TNFSF4: variants seen among roughly 807,000 people sequenced by gnomAD.
The protein encoded by TNFSF4 is tumor necrosis factor ligand superfamily member 4.
A neutral mutation model predicts 7.3 loss-of-function variants in TNFSF4; 4 were observed. The ratio of observed to expected loss-of-function variants is 0.55; its 90% confidence interval spans 0.27 to 1.25. TNFSF4 has a LOEUF of 1.25. Among genes scored for constraint, TNFSF4 ranks in the 50% most tolerant of loss-of-function variants. The pLI, the probability that TNFSF4 is intolerant of heterozygous loss-of-function variation, is 0.12. For synonymous variants in TNFSF4, 76 were observed against 83.7 expected, an observed-to-expected ratio of 0.91 and a Z score of 0.50; for missense variants, 181 against 208.8, an observed-to-expected ratio of 0.87 and a Z score of 0.82.
At chr1:173,325,671 T>C in the TNFSF4 span, among the ~76,000 whole-genome samples, 2 of 151,862 alleles carry the variant, frequency 1.3e-5, no homozygotes, top group East Asian at 3.9e-4. Flanking sequence ...CAATAAAAAA[T>C]GACAAAGGGG....
chr1:173,338,332 G>C, the TNFSF4 span, among the ~76,000 whole-genome samples: 1 of 152,178 alleles, frequency 6.6e-6, no homozygotes, highest in Non-Finnish European at 1.5e-5. Context: ...TGGACTTACA[G>C]AATGCCTTAT....
At chr1:173,295,018 T>C in the TNFSF4 span, among the ~76,000 whole-genome samples, 1 of 151,954 alleles carries the variant, frequency 6.6e-6, no homozygotes, top group Non-Finnish European at 1.5e-5. Flanking sequence ...TCATAATTAG[T>C]CAACAGAAAA....
chr1:173,360,272 C>T, the TNFSF4 span, among the ~76,000 whole-genome samples: 3 of 152,246 alleles, frequency 2.0e-5, 1 homozygote, highest in Non-Finnish European at 4.4e-5. Context: ...GCTTCCCATT[C>T]TCCTGGACTG....
the TNFSF4 span, among the ~76,000 whole-genome samples, chr1:173,372,328 G>A: frequency 0.076 from 11,569 of 152,194 alleles, 613 homozygotes; most frequent in East Asian, 0.27. Context: ...GAGACCCAGA[G>A]GGCAAATACT....
At chr1:173,244,663 A>C in the TNFSF4 span, among the ~76,000 whole-genome samples, 1 of 151,020 alleles carries the variant, frequency 6.6e-6, no homozygotes, top group African/African-American at 2.4e-5. Context: ...AAAAACAAAA[A>C]AAACAAAAAA....
chr1:173,346,967 CT>C, the TNFSF4 span, among the ~76,000 whole-genome samples: 1 of 152,214 alleles, frequency 6.6e-6, no homozygotes, highest in Admixed American at 6.5e-5. Context: ...AGTAAGAGGA[CT>C]TGATGGCAAC....
the TNFSF4 span, among the ~76,000 whole-genome samples, chr1:173,323,774 A>G: frequency 5.3e-5 from 8 of 152,310 alleles, no homozygotes; most frequent in East Asian, 1.5e-3. Flanking sequence ...GATGGGAGAC[A>G]AAATGAATGA....
the TNFSF4 span, among the ~76,000 whole-genome samples, chr1:173,307,518 A>T: frequency 4.6e-5 from 7 of 151,932 alleles, no homozygotes; most frequent in Non-Finnish European, 8.8e-5. Context: ...TGGAAAAAAA[A>T]AGTTTTTCTA....
At chr1:173,363,638 C>T in the TNFSF4 span, 1 of 385,896 alleles carries the variant, frequency 2.6e-6, no homozygotes, top group South Asian at 2.5e-5. Context: ...GATGGATGTA[C>T]TACATTTGGA....
At chr1:173,238,123 T>C in the TNFSF4 span, among the ~76,000 whole-genome samples, 3 of 152,294 alleles carry the variant, frequency 2.0e-5, no homozygotes, top group South Asian at 6.2e-4. Context: ...AACCATCTGA[T>C]CTTTGACAAA....
the TNFSF4 span, among the ~76,000 whole-genome samples, chr1:173,288,472 A>G: frequency 6.6e-6 from 1 of 152,178 alleles, no homozygotes; most frequent in Non-Finnish European, 1.5e-5. Context: ...AAGCAAACAG[A>G]AAATTAGCAA....
chr1:173,238,702 AT>A, the TNFSF4 span, among the ~76,000 whole-genome samples: 1 of 149,354 alleles, frequency 6.7e-6, no homozygotes, highest in Non-Finnish European at 1.5e-5. Context: ...CCACAGTGAG[AT>A]CCCATGTTAC....
At chr1:173,231,513 G>A in the TNFSF4 span, among the ~76,000 whole-genome samples, 1 of 152,136 alleles carries the variant, frequency 6.6e-6, no homozygotes, top group East Asian at 1.9e-4. Context: ...AAAACTGGAA[G>A]CATTTCCTTT....
chr1:173,223,891 G>A, the TNFSF4 span, among the ~76,000 whole-genome samples: 1 of 152,206 alleles, frequency 6.6e-6, no homozygotes, highest in Non-Finnish European at 1.5e-5. Flanking sequence ...AGCAGAACGT[G>A]GGACAGTTAA....
the TNFSF4 span, among the ~76,000 whole-genome samples, chr1:173,437,993 A>G: frequency 6.6e-6 from 1 of 152,164 alleles, no homozygotes; most frequent in South Asian, 2.1e-4. Context: ...AGAATTTTTT[A>G]TTGGAATTGC....
chr1:173,235,974 G>A, the TNFSF4 span, among the ~76,000 whole-genome samples: 2 of 151,614 alleles, frequency 1.3e-5, no homozygotes, highest in Non-Finnish European at 2.9e-5. Flanking sequence ...TTTAATTGTG[G>A]CAAAATATAA....
At chr1:173,432,106 A>G in the TNFSF4 span, among the ~76,000 whole-genome samples, 1 of 152,332 alleles carries the variant, frequency 6.6e-6, no homozygotes, top group African/African-American at 2.4e-5. Context: ...AGCATTTGGC[A>G]CGTAATAATG....
chr1:173,348,586 C>T, the TNFSF4 span, among the ~76,000 whole-genome samples: 1 of 152,032 alleles, frequency 6.6e-6, no homozygotes, highest in African/African-American at 2.4e-5. Context: ...GCAAAATAAA[C>T]ATTCAATAGA....
At chr1:173,288,294 G>A in the TNFSF4 span, among the ~76,000 whole-genome samples, 5 of 152,072 alleles carry the variant, frequency 3.3e-5, no homozygotes, top group Non-Finnish European at 7.4e-5. Context: ...CCCTATGCTG[G>A]GTGTGGTGGC....
Sources: gnomAD v4.1 joint callset for allele counts (sites outside exome capture counted in the v4.1 genomes callset) on GRCh38, gnomAD v4.1.1 for gene constraint, MANE v1.5 for transcripts, NCBI Gene and HGNC (gene_info 2026-07-23, HGNC 2026-07-21) for gene names.